The following ROBO2 variants were observed in gnomAD, a reference collection of about 807,000 sequenced individuals.
ROBO2 encodes the protein roundabout homolog 2.
Under a neutral mutation model 160.8 loss-of-function variants are expected in ROBO2, and 53 were observed. The observed-to-expected ratio is 0.33, with a 90% CI of 0.26 to 0.41. ROBO2 has a LOEUF of 0.41. Among genes scored for constraint, ROBO2 ranks in the 10% least tolerant of loss-of-function variants. The pLI is 1.00. For missense variants in ROBO2, 1,577 were observed against 1,722.4 expected (o/e 0.92, Z 1.49); for synonymous variants, 664 against 611.7 (o/e 1.09, Z -1.26).
chr3:76,212,843 C>CCTCTCTCTCTCT (rs113091456), intron 2 of ROBO2, among the ~76,000 whole-genome samples: 87 of 149,220 alleles, frequency 5.8e-4, no homozygotes, highest in African/African-American at 2.0e-3. Context: ...ACCCATGGAG[C>CCTCTCTCTCTCT]CTCTCTCTCT....
chr3:77,225,694 A>G (rs1235995186), intron 2 of ROBO2, among the ~76,000 whole-genome samples: 1 of 152,046 alleles, frequency 6.6e-6, no homozygotes, highest in East Asian at 1.9e-4. Context: ...AATTCTATGC[A>G]TATTCACTGT....
intron 20 of ROBO2, among the ~76,000 whole-genome samples, chr3:77,605,299 T>G (rs1418512287): frequency 6.6e-6 from 1 of 151,902 alleles, no homozygotes; most frequent in Non-Finnish European, 1.5e-5. Flanking sequence ...CACCTTAAAG[T>G]GATTGAAGGT....
intron 2 of ROBO2, among the ~76,000 whole-genome samples, chr3:77,249,599 T>A (rs916199559): frequency 6.8e-6 from 1 of 146,726 alleles, no homozygotes; most frequent in Non-Finnish European, 1.5e-5. Flanking sequence ...AATGAGATAT[T>A]GACTCAAATT....
chr3:77,595,072 A>G (rs764827158), intron 17 of ROBO2, 70 bp from the exon 19 acceptor site: 17 of 1,228,716 alleles, frequency 1.4e-5, no homozygotes, highest in Non-Finnish European at 1.8e-5. Flanking sequence ...GCCAATATGT[A>G]GTTGTTATTA....
intron 2 of ROBO2, among the ~76,000 whole-genome samples, chr3:76,523,039 T>TTA (rs1233263303): frequency 6.3e-4 from 94 of 148,310 alleles, no homozygotes; most frequent in African/African-American, 2.0e-3. Context: ...TATGTATATA[T>TTA]TATATATATA....
At chr3:76,786,493 G>T (rs140378918) in intron 2 of ROBO2, among the ~76,000 whole-genome samples, 1 of 151,134 alleles carries the variant, frequency 6.6e-6, no homozygotes, top group African/African-American at 2.4e-5. Context: ...GAAGGGGGAG[G>T]TGCTACATAT....
intron 2 of ROBO2, among the ~76,000 whole-genome samples, chr3:77,187,904 G>A (rs896358046): frequency 1.3e-5 from 2 of 151,908 alleles, no homozygotes; most frequent in African/African-American, 4.8e-5. Context: ...AGGGATGAAA[G>A]TTGGTAGGTA....
intron 2 of ROBO2, chr3:77,317,184 A>C: frequency 1.1e-6 from 1 of 895,986 alleles, no homozygotes; most frequent in South Asian, 1.3e-5. Flanking sequence ...CCGGCACTAG[A>C]GCACCCCGGA....
intron 2 of ROBO2, among the ~76,000 whole-genome samples, chr3:76,308,376 CAAAA>C (rs71277580): frequency 9.3e-5 from 8 of 85,578 alleles, no homozygotes; most frequent in Non-Finnish European, 1.7e-4. Flanking sequence ...GACTCTGTCT[CAAAA>C]AAAAAAAAAA....
intron 2 of ROBO2, among the ~76,000 whole-genome samples, chr3:77,295,708 T>C (rs1002935080): frequency 7.3e-6 from 1 of 136,618 alleles, no homozygotes; most frequent in Non-Finnish European, 1.6e-5. Flanking sequence ...GCTAGATCAC[T>C]AAAGACATAA....
chr3:76,979,759 ACAC>A (rs1460751241), intron 2 of ROBO2, among the ~76,000 whole-genome samples: 2 of 152,020 alleles, frequency 1.3e-5, no homozygotes, highest in East Asian at 3.9e-4. Flanking sequence ...ACACACACAC[ACAC>A]ACACACACTT....
intron 2 of ROBO2, chr3:76,434,806 A>T: frequency 6.9e-7 from 1 of 1,458,736 alleles, no homozygotes; most frequent in Non-Finnish European, 9.6e-7. Flanking sequence ...AGCATCACAC[A>T]TGCCCTGAAT....
chr3:77,098,859 AAAACAAACAAAC>A (rs573823913), intron 2 of ROBO2, among the ~76,000 whole-genome samples: 1 of 135,306 alleles, frequency 7.4e-6, no homozygotes, highest in Admixed American at 7.2e-5. Flanking sequence ...CCGTCTCAAA[AAAACAAACAAAC>A]AAACAAACAA....
chr3:77,220,402 T>A (rs935822666), intron 2 of ROBO2, among the ~76,000 whole-genome samples: 6 of 152,132 alleles, frequency 3.9e-5, no homozygotes, highest in Non-Finnish European at 7.4e-5. Flanking sequence ...ATAGACATAC[T>A]AAGAGTAGGT....
At chr3:76,136,308 C>G (rs1449867865) in intron 2 of ROBO2, among the ~76,000 whole-genome samples, 1 of 151,770 alleles carries the variant, frequency 6.6e-6, no homozygotes, top group Non-Finnish European at 1.5e-5. Flanking sequence ...TGATAAAGCT[C>G]CCTCCTGTCA....
At chr3:76,317,081 CTTAA>C (rs1343547651) in intron 2 of ROBO2, among the ~76,000 whole-genome samples, 5 of 152,160 alleles carry the variant, frequency 3.3e-5, no homozygotes, top group African/African-American at 4.8e-5. Flanking sequence ...TTTTATAGTG[CTTAA>C]TTGTTATGTG....
At chr3:75,968,403 G>A (rs186244715) in intron 2 of ROBO2, among the ~76,000 whole-genome samples, 28 of 151,292 alleles carry the variant, frequency 1.9e-4, no homozygotes, top group Non-Finnish European at 3.1e-4. Flanking sequence ...TCTCCCATTG[G>A]ATTATTTTTT....
chr3:76,907,823 G>GGGTGTGT (rs112697690), intron 2 of ROBO2, among the ~76,000 whole-genome samples: 2 of 145,432 alleles, frequency 1.4e-5, no homozygotes, highest in Non-Finnish European at 1.5e-5. Flanking sequence ...GTTTGTTTGG[G>GGGTGTGT]GTGTGTGTGT....
At chr3:76,449,207 A>T (rs2077349664) in intron 2 of ROBO2, among the ~76,000 whole-genome samples, 1 of 152,190 alleles carries the variant, frequency 6.6e-6, no homozygotes, top group Non-Finnish European at 1.5e-5. Flanking sequence ...AATGTTATAC[A>T]GTACATGCTG....
Sources: gnomAD v4.1 joint callset for allele counts (sites outside exome capture counted in the v4.1 genomes callset) on GRCh38, gnomAD v4.1.1 for gene constraint, MANE v1.5 for transcripts, NCBI Gene and HGNC (gene_info 2026-07-23, HGNC 2026-07-21) for gene names.